The following MAPK6 variants were observed in gnomAD, a reference collection of about 807,000 sequenced individuals.
The protein encoded by MAPK6 is mitogen-activated protein kinase 6.
Under a neutral mutation model 59.3 loss-of-function variants are expected in MAPK6, and 19 were observed. The ratio of observed to expected loss-of-function variants is 0.32; its 90% CI spans 0.22 to 0.47. MAPK6 has a LOEUF of 0.47. Ranked by LOEUF, MAPK6 falls within the 20% of genes least tolerant of loss-of-function variation. The pLI is 1.00. For missense variants in MAPK6, 724 were observed against 847.9 expected (o/e 0.85, Z 1.81); for synonymous variants, 316 against 290.3 (o/e 1.09, Z -0.90).
At chr15:51,989,651 G>A (rs1429562484) in intron 2 of MAPK6, among the ~76,000 whole-genome samples, 1 of 152,018 alleles carries the variant, frequency 6.6e-6, no homozygotes, top group Non-Finnish European at 1.5e-5. Context: ...CCAGGCTGGA[G>A]TGCAATGGGG....
chr15:52,061,077 A>G (rs113149844), intron 4 of MAPK6, among the ~76,000 whole-genome samples: 8 of 152,324 alleles, frequency 5.3e-5, no homozygotes, highest in African/African-American at 1.9e-4. Flanking sequence ...AAATCAGGTA[A>G]GTTTTATTTC....
intron 2 of MAPK6, among the ~76,000 whole-genome samples, chr15:51,997,138 C>A (rs527409812): frequency 9.0e-4 from 137 of 152,018 alleles, no homozygotes; most frequent in Non-Finnish European, 1.7e-3. Context: ...CGCCACTACA[C>A]CCAGCTAGTT....
rs1475043559 is a variant in MAPK6 at position 51,978,659 on chromosome 15, CCCATTAAAAAAACA to C, written c.-879-4546_-879-4533del. Among the ~76,000 whole-genome samples, 4 of 150,488 alleles carry C rather than the reference CCCATTAAAAAAACA, an allele frequency of 2.7e-5. No individual in the cohort carries two copies. The East Asian group carries it at 7.9e-4, about 30-fold the overall frequency. Reference sequence around the variant, plus strand: ...TTTTTTGGGGGGATTACCTTATAACCCCATTAAAAAAACAAAACAAGAAAAAAACTTTTAAAAGA... The same window carrying C: ...TTTTTTGGGGGGATTACCTTATAACCAAACAAGAAAAAAACTTTTAAAAGA... On this transcript the variant is annotated intron_variant, in intron 1 of 7. Coordinates refer to the MAPK6 transcript ENST00000691380.
At chr15:52,028,152 CCGTGTTAGCCAGGA>C (rs928828738) in intron 1 of MAPK6, among the ~76,000 whole-genome samples, 4 of 151,876 alleles carry the variant, frequency 2.6e-5, no homozygotes, top group African/African-American at 7.3e-5. Flanking sequence ...CAGGGTTTCA[CCGTGTTAGCCAGGA>C]TGGTCTCGAT....
intron 3 of MAPK6, among the ~76,000 whole-genome samples, chr15:52,012,981 C>T (rs567757157): frequency 3.8e-4 from 34 of 88,576 alleles, no homozygotes; most frequent in African/African-American, 1.2e-3. Flanking sequence ...AGTGAGACTC[C>T]GCCTGGAAAA....
intron 1 of MAPK6, among the ~76,000 whole-genome samples, chr15:52,023,106 CAAAAAAAAAAAA>C (rs60315520): frequency 1.4e-5 from 1 of 73,652 alleles, no homozygotes; most frequent in Non-Finnish European, 2.4e-5. Context: ...GACTCCGTCT[CAAAAAAAAAAAA>C]AAAAAAAAAA....
At chr15:51,997,175 T>C (rs946683798) in intron 2 of MAPK6, among the ~76,000 whole-genome samples, 7 of 151,716 alleles carry the variant, frequency 4.6e-5, no homozygotes, top group Admixed American at 1.3e-4. Context: ...AGAGACTGGG[T>C]TTCACCATGT....
At chr15:52,015,774 C>T (rs1333148337), upstream of MAPK6, among the ~76,000 whole-genome samples, 1 of 147,818 alleles carries the variant, frequency 6.8e-6, no homozygotes, top group African/African-American at 2.5e-5. Context: ...GAACTGAAAC[C>T]GGGCTGGGCG....
chr15:52,054,367 T>A (rs1015291094), intron 3 of MAPK6, among the ~76,000 whole-genome samples: 4 of 29,126 alleles, frequency 1.4e-4, no homozygotes, highest in Non-Finnish European at 2.5e-4. Flanking sequence ...GACTCTGTAT[T>A]GGGGGTGGGT....
At chr15:51,991,391 A>G (rs1267840575) in intron 2 of MAPK6, among the ~76,000 whole-genome samples, 1 of 152,202 alleles carries the variant, frequency 6.6e-6, no homozygotes, top group Non-Finnish European at 1.5e-5. Context: ...TTTCTCTTCT[A>G]TGAGATAGAA....
At chr15:52,058,879 CT>C in intron 4 of MAPK6, 82 bp downstream of exon 4, 1 of 1,207,972 alleles carries the variant, frequency 8.3e-7, no homozygotes, top group South Asian at 1.9e-5. Flanking sequence ...GCTTTTTATC[CT>C]TAGATATGGG....
At chr15:51,985,812 GC>G (rs2057189309) in intron 2 of MAPK6, among the ~76,000 whole-genome samples, 1 of 151,942 alleles carries the variant, frequency 6.6e-6, no homozygotes, top group African/African-American at 2.4e-5. Flanking sequence ...CAAAAAATTA[GC>G]CCGGCATGGT....
chr15:52,016,068 G>GCA (rs1183676940), upstream of MAPK6, among the ~76,000 whole-genome samples: 596 of 35,604 alleles, frequency 0.017, 7 homozygotes, highest in Admixed American at 0.041. Context: ...GCGCGCGCGC[G>GCA]CGCACACACA....
Position 52,047,009 on chromosome 15 carries a change from C to G in MAPK6, c.549C>G (p.Ser183=). Residue 183 remains serine, a synonymous_variant, in exon 2 of 6, where the codon TCC becomes TCG. Coordinates refer to ENST00000261845, the MANE Select transcript of MAPK6 (RefSeq NM_002748.4). The part of the protein sequence containing the change: ...GLARIMDPHY[S]HKGHLSEGLV... ...CACGGATCATGGATCCTCATTATTCCCATAAGGTATGTATAGAAAGCCAGC... is the reference window on the plus strand; with the variant it reads ...CACGGATCATGGATCCTCATTATTCGCATAAGGTATGTATAGAAAGCCAGC... The G allele has an allele frequency of 6.4e-7, 1 of 1,558,712 alleles. No individual in the cohort carries two copies. Among genetic ancestry groups the G allele is most frequent in the African/African-American group, 1.4e-5 (1 of 73,084 alleles).
At chr15:52,058,488 T>C (rs1193971300) in intron 3 of MAPK6, 145 bp from the exon 4 acceptor site, 3 of 589,126 alleles carry the variant, frequency 5.1e-6, no homozygotes, top group African/African-American at 3.8e-5. Context: ...AGATTGGTGA[T>C]AGTCAAAGCA....
chr15:52,014,823 T>C (rs1401898949), upstream of MAPK6, among the ~76,000 whole-genome samples: 1 of 152,100 alleles, frequency 6.6e-6, no homozygotes, highest in Non-Finnish European at 1.5e-5. Flanking sequence ...TGTTGAAATA[T>C]GTTACATAAC....
chr15:52,020,361 G>C (rs1353507723), intron 1 of MAPK6, among the ~76,000 whole-genome samples: 1 of 151,948 alleles, frequency 6.6e-6, no homozygotes, highest in Non-Finnish European at 1.5e-5. Context: ...CATTGGAAAA[G>C]GTCCAGTGAA....
chr15:51,990,576 G>A (rs1281198808), intron 2 of MAPK6, among the ~76,000 whole-genome samples: 1 of 152,186 alleles, frequency 6.6e-6, no homozygotes, highest in Non-Finnish European at 1.5e-5. Context: ...AGTGCTTTCG[G>A]AGGCCGAGGC....
At chr15:52,002,199 T>C (rs1251519920) in intron 2 of MAPK6, among the ~76,000 whole-genome samples, 3 of 152,206 alleles carry the variant, frequency 2.0e-5, no homozygotes, top group Non-Finnish European at 2.9e-5. Flanking sequence ...TATAATCCCA[T>C]TGTCCTTAGA....
Sources: allele counts gnomAD v4.1 joint callset (sites outside exome capture counted in the v4.1 genomes callset), GRCh38; gene constraint gnomAD v4.1.1; transcripts MANE v1.5; gene names NCBI Gene and HGNC (gene_info 2026-07-23, HGNC 2026-07-21).